The following PRELID2 variants were observed in gnomAD, a reference collection of about 807,000 sequenced individuals.
The protein encoded by PRELID2 is PRELI domain containing 2.
In PRELID2, 25 loss-of-function variants were observed where a neutral mutation model predicts 28.4. That is an observed-to-expected ratio of 0.88 (90% CI 0.64 to 1.23). The LOEUF (loss-of-function observed/expected upper bound fraction) is 1.23, where lower values mean the gene tolerates loss of function less well. Among genes scored for constraint, PRELID2 ranks in the 50% most tolerant of loss-of-function variants. The pLI is 0.00. For synonymous variants in PRELID2, 76 were observed against 71.6 expected (o/e 1.06, Z -0.31); for missense variants, 201 against 214.4 (o/e 0.94, Z 0.39).
chr5:145,322,673 T>TA, the PRELID2 span, among the ~76,000 whole-genome samples: 1 of 152,204 alleles, frequency 6.6e-6, no homozygotes, highest in South Asian at 2.1e-4. Context: ...GCCCTGGGAA[T>TA]ATAATAGAGA....
intron 1 of PRELID2, among the ~76,000 whole-genome samples, chr5:145,607,647 T>G (rs1013143426): frequency 9.2e-5 from 14 of 151,964 alleles, no homozygotes; most frequent in Non-Finnish European, 1.9e-4. Flanking sequence ...TTGCTGAGGG[T>G]TGTTTTATGG....
the PRELID2 span, among the ~76,000 whole-genome samples, chr5:145,344,014 A>G: frequency 6.6e-6 from 1 of 152,006 alleles, no homozygotes; most frequent in Non-Finnish European, 1.5e-5. Flanking sequence ...TGAATCAGTA[A>G]TAAGTCTCTC....
the PRELID2 span, among the ~76,000 whole-genome samples, chr5:145,352,951 A>G: frequency 6.6e-6 from 1 of 152,182 alleles, no homozygotes; most frequent in Non-Finnish European, 1.5e-5. Context: ...CCATATCACT[A>G]TCAACATTTT....
intron 1 of PRELID2, chr5:145,728,352 A>T (rs1448994441): frequency 2.6e-6 from 1 of 386,638 alleles, no homozygotes; most frequent in Non-Finnish European, 4.9e-6. Flanking sequence ...CTACTTACTT[A>T]TCTCTACATC....
intron 1 of PRELID2, among the ~76,000 whole-genome samples, chr5:145,827,331 C>T (rs552344443): frequency 1.4e-4 from 22 of 152,140 alleles, no homozygotes; most frequent in African/African-American, 2.9e-4. Context: ...CAAGACGAAA[C>T]GAGTTATAAA....
chr5:145,548,400 TG>T (rs552358091), intron 1 of PRELID2, among the ~76,000 whole-genome samples: 3 of 152,250 alleles, frequency 2.0e-5, no homozygotes, highest in Non-Finnish European at 4.4e-5. Context: ...AAAATTGCTC[TG>T]TCTTTGGCCA....
At chr5:145,238,854 C>T in the PRELID2 span, among the ~76,000 whole-genome samples, 5 of 152,160 alleles carry the variant, frequency 3.3e-5, no homozygotes, top group Admixed American at 2.0e-4. Context: ...AAAGAAGTCA[C>T]GTAATTATCT....
chr5:145,527,807 A>C (rs1287289840), intron 1 of PRELID2, among the ~76,000 whole-genome samples: 2 of 152,202 alleles, frequency 1.3e-5, no homozygotes, highest in Admixed American at 6.6e-5. Context: ...ATGGGATTTC[A>C]TAATAATTAA....
chr5:145,345,289 A>G, the PRELID2 span, among the ~76,000 whole-genome samples: 1 of 151,880 alleles, frequency 6.6e-6, no homozygotes, highest in African/African-American at 2.4e-5. Flanking sequence ...CTTCAAGCTC[A>G]AGAAAGTAGA....
chr5:145,249,452 T>C, the PRELID2 span, among the ~76,000 whole-genome samples: 1 of 152,156 alleles, frequency 6.6e-6, no homozygotes, highest in East Asian at 1.9e-4. Context: ...GATTGGACAA[T>C]GGACTGTTAC....
the PRELID2 span, among the ~76,000 whole-genome samples, chr5:145,294,623 T>A: frequency 6.6e-5 from 10 of 152,344 alleles, no homozygotes; most frequent in African/African-American, 2.4e-4. Context: ...AAGTTTGTCA[T>A]TGTTTGTAAA....
rs56385008 is a variant in PRELID2, at chr5:145,518,135, TATAATAATAATA to T, written n.71-44832_71-44821del. On this transcript the variant is annotated intron_variant and non_coding_transcript_variant, in intron 1 of 2. Transcript: ENST00000510259. The stretch of plus-strand genomic sequence containing the variant: ...TGCAAATGTGTCCCAGAACTTGAAG[TATAATAATAATA>T]ATAATAATAATAATAATAATAATAA... 2.7e-3 allele frequency among the ~76,000 whole-genome samples: 391 copies of T among 142,472 alleles called. 1 individual carries two copies. The highest frequency in any genetic ancestry group is 8.3e-3 in the East Asian group (40 of 4,816). 93.5% of individuals were successfully genotyped at this position (142,472 alleles called of 152,430 possible).
At chr5:145,614,006 G>C (rs1273751469) in intron 1 of PRELID2, among the ~76,000 whole-genome samples, 1 of 152,190 alleles carries the variant, frequency 6.6e-6, no homozygotes, top group Non-Finnish European at 1.5e-5. Flanking sequence ...TAAGGTGAGA[G>C]ATGAGGATCC....
At chr5:145,604,882 C>CATATACATATATAT (rs1554078629) in intron 1 of PRELID2, among the ~76,000 whole-genome samples, 1 of 116,168 alleles carries the variant, frequency 8.6e-6, no homozygotes, top group African/African-American at 3.8e-5. Flanking sequence ...GCTTGTTGGC[C>CATATACATATATAT]ATATATATAT....
chr5:145,652,967 A>G (rs1433689273), intron 1 of PRELID2, among the ~76,000 whole-genome samples: 1 of 152,224 alleles, frequency 6.6e-6, no homozygotes, highest in Non-Finnish European at 1.5e-5. Context: ...AATTGGATAA[A>G]GAGTCAAGAC....
At chr5:145,632,839 A>T (rs565826832) in intron 1 of PRELID2, among the ~76,000 whole-genome samples, 1 of 152,332 alleles carries the variant, frequency 6.6e-6, no homozygotes, top group Non-Finnish European at 1.5e-5. Flanking sequence ...CTTTGAGTTA[A>T]TAAAAAAGAA....
intron 1 of PRELID2, among the ~76,000 whole-genome samples, chr5:145,625,659 T>A (rs1222509478): frequency 6.6e-6 from 1 of 152,164 alleles, no homozygotes. Context: ...GTTAAGCAAA[T>A]CTTTAGAGTG....
At chr5:145,255,554 G>T in the PRELID2 span, among the ~76,000 whole-genome samples, 2 of 151,872 alleles carry the variant, frequency 1.3e-5, no homozygotes, top group East Asian at 3.9e-4. Flanking sequence ...TGAGAGAATT[G>T]CTTGAGCCTA....
chr5:145,766,756 G>A lies in PRELID2; in HGVS notation c.475-1756C>T, dbSNP rs115502998. Among the ~76,000 whole-genome samples, 130 of 152,212 alleles carry A rather than the reference G, an allele frequency of 8.5e-4. 1 individual carries two copies. The highest frequency in any genetic ancestry group is 3.0e-3 in the African/African-American group (126 of 41,534). On this transcript the variant is annotated intron_variant, in intron 5 of 6. Coordinates refer to ENST00000683046, the MANE Select transcript of PRELID2 (RefSeq NM_205846.3). ...CCAATCATTCTGCTAGGCACCTTAG[G>A]CTGATCACTTTTACTAAGGAGTAAC...
Sources: allele counts gnomAD v4.1 joint callset (sites outside exome capture counted in the v4.1 genomes callset), GRCh38; gene constraint gnomAD v4.1.1; transcripts MANE v1.5; gene names NCBI Gene and HGNC (gene_info 2026-07-23, HGNC 2026-07-21).